NUP98: variants seen among roughly 807,000 people sequenced by gnomAD.
The protein encoded by NUP98 is nucleoporin 98 and 96 precursor.
In NUP98, 26 loss-of-function variants were observed where a neutral mutation model predicts 191.9. The observed-to-expected ratio is 0.14, with a 90% confidence interval of 0.10 to 0.19. The LOEUF (loss-of-function observed/expected upper bound fraction) is 0.19, where lower values mean the gene tolerates loss of function less well. Among genes scored for constraint, NUP98 ranks in the 10% least tolerant of loss-of-function variants. The probability of loss-of-function intolerance (pLI) is 1.00; values close to 1 mark genes in which losing one functional copy is unlikely to be tolerated. For synonymous variants in NUP98, 808 were observed against 778.4 expected (o/e 1.04, Z -0.63); for missense variants, 1,941 against 2,178.8 (o/e 0.89, Z 2.17).
intron 26 of NUP98, 139 bp from the exon 27 acceptor site, chr11:3,693,514 T>A: frequency 1.1e-6 from 1 of 893,594 alleles, no homozygotes; most frequent in East Asian, 2.7e-5. Context: ...TATAATAAAA[T>A]CTCACAGCTA....
At chr11:3,688,519 G>A (rs898078246) in intron 28 of NUP98, among the ~76,000 whole-genome samples, 5 of 151,568 alleles carry the variant, frequency 3.3e-5, no homozygotes, top group Admixed American at 1.3e-4. Flanking sequence ...TACTGGCCAG[G>A]CACAGTGGCT....
chr11:3,708,798 A>G (rs2078942057), intron 20 of NUP98, among the ~76,000 whole-genome samples: 1 of 152,150 alleles, frequency 6.6e-6, no homozygotes, highest in Admixed American at 6.5e-5. Flanking sequence ...AGGTCGATGG[A>G]AAAGAACGGC....
rs1416676889 is a variant in NUP98 at position 3,782,065 on chromosome 11, C to A, written c.53G>T (p.Gly18Val). 2 of 1,612,600 alleles carry A rather than the reference C, an allele frequency of 1.2e-6. No homozygotes were observed. Among genetic ancestry groups the A allele is most frequent in the Non-Finnish European group, 1.7e-6 (2 of 1,179,408 alleles). Residue 18 changes from glycine to valine, a missense_variant, in exon 2 of 33, where the codon GGC (glycine) becomes GTC (valine). Coordinates refer to ENST00000324932, the MANE Select transcript of NUP98 (RefSeq NM_016320.5). ...ACTCTGTCCAAATGTTGAAGTTGTG[C>A]CAAAGCCACCTGTGCCACCCCCAAA... ...TPFGGGTGGF[G>V]TTSTFGQNTG...
rs555981850 is a variant in NUP98, at chr11:3,681,778, G to C, written c.4918+1422C>G. On this transcript the variant is annotated intron_variant, in intron 30 of 32. Coordinates refer to ENST00000324932, the MANE Select transcript of NUP98 (RefSeq NM_016320.5). The stretch of plus-strand genomic sequence containing the variant: ...CCCTAGGATTTTTAGAATGGTAAAT[G>C]AGCTTCTGCTTACCATCACCAGCTG... Among the ~76,000 whole-genome samples the C allele has an allele frequency of 5.9e-5, 9 of 152,246 alleles. No individual in the cohort carries two copies. In the East Asian group the frequency reaches 1.7e-3, roughly 29 times the overall value.
At chr11:3,787,687 T>C (rs2082189814) in intron 1 of NUP98, among the ~76,000 whole-genome samples, 1 of 150,420 alleles carries the variant, frequency 6.6e-6, no homozygotes, top group Non-Finnish European at 1.5e-5. Context: ...CCTTAAACTC[T>C]TTATTAGTAT....
At chr11:3,730,535 T>G (rs1345894804) in intron 14 of NUP98, among the ~76,000 whole-genome samples, 3 of 152,082 alleles carry the variant, frequency 2.0e-5, no homozygotes, top group African/African-American at 7.2e-5. Flanking sequence ...CAGCTAATTT[T>G]GTATATTCAG....
At chr11:3,760,381 C>T (rs1014573497) in intron 10 of NUP98, 158 bp downstream of exon 10, 6 of 1,064,710 alleles carry the variant, frequency 5.6e-6, no homozygotes, top group African/African-American at 1.6e-5. Flanking sequence ...ATCAAGCTAC[C>T]GCTTACCTGA....
intron 11 of NUP98, among the ~76,000 whole-genome samples, chr11:3,749,294 G>A (rs1211576823): frequency 3.4e-4 from 50 of 147,400 alleles, no homozygotes; most frequent in African/African-American, 8.5e-4. Flanking sequence ...CGGCCTGGGC[G>A]ACAGAGCGAG....
At chr11:3,691,557 C>G (rs1001273884) in intron 27 of NUP98, 68 bp from the exon 28 acceptor site, 1 of 1,492,200 alleles carries the variant, frequency 6.7e-7, no homozygotes, top group Non-Finnish European at 9.2e-7. Context: ...CATTATGTTT[C>G]TTCTTTTTTT....
intron 1 of NUP98, among the ~76,000 whole-genome samples, chr11:3,783,177 A>G (rs950857786): frequency 1.3e-5 from 2 of 152,100 alleles, no homozygotes; most frequent in African/African-American, 4.8e-5. Context: ...TGATTGCTTG[A>G]GCCCAGGAGT....
At chr11:3,685,904 A>G in intron 29 of NUP98, 69 bp downstream of exon 29, 1 of 1,245,150 alleles carries the variant, frequency 8.0e-7, no homozygotes, top group Non-Finnish European at 1.2e-6. Flanking sequence ...GAACCCTGAA[A>G]GACTGATTCC....
chr11:3,717,570 G>GT (rs956004518), intron 18 of NUP98, among the ~76,000 whole-genome samples: 4 of 152,244 alleles, frequency 2.6e-5, no homozygotes, highest in African/African-American at 4.8e-5. Flanking sequence ...TAACTAGTAA[G>GT]TTTTTTTGTG....
At chr11:3,770,217 G>T (rs147411683) in intron 7 of NUP98, among the ~76,000 whole-genome samples, 1 of 152,136 alleles carries the variant, frequency 6.6e-6, no homozygotes, top group Admixed American at 6.6e-5. Context: ...ATGGTGGCGG[G>T]TGCCTGTAAT....
rs1388681065 is a variant in NUP98 at position 3,688,820 on chromosome 11, C to CATATACATATATATATATAT, written c.4454+2526_4454+2527insATATATATATATATGTATAT. 3.1e-3 allele frequency among the ~76,000 whole-genome samples: 428 copies of CATATACATATATATATATAT among 136,210 alleles called. 6 individuals are homozygous for CATATACATATATATATATAT. The highest frequency in any genetic ancestry group is 0.012 in the African/African-American group (415 of 35,610). The allele number at this position is 136,210 out of a possible 152,430, so 89.4% of individuals were successfully genotyped here. On this transcript the variant is annotated intron_variant, in intron 28 of 32. Coordinates refer to ENST00000324932, the MANE Select transcript of NUP98 (RefSeq NM_016320.5). ...AAATATATATATGTATTTAAATATA[C>CATATACATATATATATATAT]ATATATATATATATATATATATTTA...
At chr11:3,749,533 G>A (rs1406774691) in intron 11 of NUP98, among the ~76,000 whole-genome samples, 2 of 152,200 alleles carry the variant, frequency 1.3e-5, no homozygotes, top group African/African-American at 4.8e-5. Flanking sequence ...GCTGAGGCAG[G>A]AGAATCACTT....
chr11:3,706,916 G>A (rs1160736056), intron 20 of NUP98, among the ~76,000 whole-genome samples: 1 of 152,186 alleles, frequency 6.6e-6, no homozygotes, highest in Non-Finnish European at 1.5e-5. Flanking sequence ...GTGGTCTTCA[G>A]AGACAAAGAT....
chr11:3,685,935 C>G (rs368807233), intron 29 of NUP98, 38 bp downstream of exon 29: 10 of 1,523,084 alleles, frequency 6.6e-6, no homozygotes, highest in Non-Finnish European at 8.2e-6. Context: ...CCCTGTAGTG[C>G]TAGATGTACC....
intron 1 of NUP98, among the ~76,000 whole-genome samples, chr11:3,790,935 G>C (rs12284204): frequency 6.8e-6 from 1 of 146,230 alleles, no homozygotes; most frequent in Non-Finnish European, 1.5e-5. Context: ...TGGCTCTGTT[G>C]CCCAGGCTGG....
At chr11:3,693,711 A>G (rs2078397105) in intron 26 of NUP98, among the ~76,000 whole-genome samples, 2 of 152,184 alleles carry the variant, frequency 1.3e-5, no homozygotes, top group African/African-American at 4.8e-5. Context: ...TAATCAATCA[A>G]TCAGTACTCA....
Sources: gnomAD v4.1 joint callset for allele counts (sites outside exome capture counted in the v4.1 genomes callset) on GRCh38, gnomAD v4.1.1 for gene constraint, MANE v1.5 for transcripts, NCBI Gene and HGNC (gene_info 2026-07-23, HGNC 2026-07-21) for gene names.